Variants in SKAP1 observed in about 807,000 individuals in gnomAD.
The protein encoded by SKAP1 is src kinase-associated phosphoprotein 1.
In SKAP1, 44 loss-of-function variants were observed where a neutral mutation model predicts 58.5. The ratio of observed to expected loss-of-function variants is 0.75; its 90% CI spans 0.59 to 0.97. The LOEUF (loss-of-function observed/expected upper bound fraction) is 0.97, where lower values mean the gene tolerates loss of function less well. SKAP1 is among the 50% of genes least tolerant of loss of function. SKAP1 has a pLI of 0.00. For missense variants in SKAP1, 390 were observed against 435.2 expected (o/e 0.90, Z 0.92); for synonymous variants, 127 against 149.7 (o/e 0.85, Z 1.11).
chr17:48,170,573 C>T (rs748990392), intron 10 of SKAP1, 36 bp downstream of exon 10: 2 of 1,580,834 alleles, frequency 1.3e-6, no homozygotes, highest in Admixed American at 1.7e-5. Flanking sequence ...CCCATAATGT[C>T]CTACCCAGTG....
At chr17:48,141,811 A>G (rs999843074) in intron 11 of SKAP1, among the ~76,000 whole-genome samples, 1 of 152,176 alleles carries the variant, frequency 6.6e-6, no homozygotes, top group Non-Finnish European at 1.5e-5. Context: ...CCCATGGGCC[A>G]CAGGCTCCCT....
At chr17:48,253,172 A>C (rs979117137) in intron 4 of SKAP1, among the ~76,000 whole-genome samples, 1 of 152,154 alleles carries the variant, frequency 6.6e-6, no homozygotes, top group Non-Finnish European at 1.5e-5. Flanking sequence ...GAGATTTGCA[A>C]GGTGGGAGTA....
the SKAP1 span, among the ~76,000 whole-genome samples, chr17:48,436,436 C>T: frequency 6.6e-6 from 1 of 152,160 alleles, no homozygotes; most frequent in East Asian, 1.9e-4. Flanking sequence ...CATTTTCTTC[C>T]TGTGTAAACC....
At position 48,282,070 on chromosome 17, in the gene SKAP1, T is replaced by C. The variant is rs542027667; in HGVS notation, c.280+63835A>G. Among the ~76,000 whole-genome samples, 282 of 152,296 alleles carry C rather than the reference T, an allele frequency of 1.9e-3. 1 individual carries two copies. Among genetic ancestry groups the C allele is most frequent in the African/African-American group, 6.7e-3 (277 of 41,570 alleles). On this transcript the variant is annotated intron_variant, in intron 4 of 12. Transcript: ENST00000336915. ...AAAGAAAACAGAAATCCCAAAATAA[T>C]ATAAGTTTGTCTCAGCTAACAATAT...
At chr17:48,416,318 T>G (rs1440185088) in intron 1 of SKAP1, among the ~76,000 whole-genome samples, 2 of 152,098 alleles carry the variant, frequency 1.3e-5, no homozygotes, top group African/African-American at 2.4e-5. Flanking sequence ...CCCCTCCCAG[T>G]TGGAGATGGG....
At chr17:48,345,866 G>T in intron 4 of SKAP1, 39 bp downstream of exon 4, 2 of 1,384,076 alleles carry the variant, frequency 1.4e-6, no homozygotes, top group South Asian at 2.4e-5. Flanking sequence ...AGATAATGAA[G>T]TATGGTAGTC....
chr17:48,249,503 T>A (rs1487996702), intron 4 of SKAP1, among the ~76,000 whole-genome samples: 1 of 152,060 alleles, frequency 6.6e-6, no homozygotes, highest in Admixed American at 6.6e-5. Context: ...TGAAACCCTG[T>A]CTCTACCAAA....
chr17:48,159,137 C>CAGAT (rs781660540), intron 11 of SKAP1, among the ~76,000 whole-genome samples: 5 of 152,214 alleles, frequency 3.3e-5, no homozygotes, highest in Non-Finnish European at 7.4e-5. Context: ...AGGGGGAAAC[C>CAGAT]AGATGTATTT....
rs571980272 is a variant in SKAP1 at position 48,384,037 on chromosome 17, T to C, written c.152+12643A>G. Among the ~76,000 whole-genome samples the C allele has an allele frequency of 1.2e-3, 190 of 152,254 alleles. 1 individual carries two copies. The highest frequency in any genetic ancestry group is 4.2e-3 in the African/African-American group (175 of 41,532). Reference sequence around the variant, plus strand: ...CACCATGCCAGCGAATAAATTACCCTTTTTAAAAAGTTTGCTCTTTCAACA... The same window carrying C: ...CACCATGCCAGCGAATAAATTACCCCTTTTAAAAAGTTTGCTCTTTCAACA... On this transcript the variant is annotated intron_variant, in intron 2 of 12. Coordinates refer to ENST00000336915, the MANE Select transcript of SKAP1 (RefSeq NM_003726.4).
At position 48,430,141 on chromosome 17, in the gene SKAP1, C is replaced by T; in HGVS notation, c.-21G>A. On this transcript the variant is annotated 5_prime_UTR_variant, in exon 1 of 13. Coordinates refer to ENST00000336915, the MANE Select transcript of SKAP1 (RefSeq NM_003726.4). Reference sequence around the variant, plus strand: ...TGCATTTGGCTGGGCGGGAGAGAGGCGGGACGGGGCGCGGGCCCTGGTCGG... The same window carrying T: ...TGCATTTGGCTGGGCGGGAGAGAGGTGGGACGGGGCGCGGGCCCTGGTCGG... 1 of 1,234,066 alleles carries T rather than the reference C, an allele frequency of 8.1e-7. No homozygotes were observed. Among genetic ancestry groups the T allele is most frequent in the Non-Finnish European group, 1.0e-6 (1 of 979,112 alleles). 76.4% of individuals were successfully genotyped at this position (1,234,066 alleles called of 1,614,324 possible).
At chr17:48,316,678 A>G (rs957952451) in intron 4 of SKAP1, among the ~76,000 whole-genome samples, 2 of 152,184 alleles carry the variant, frequency 1.3e-5, no homozygotes, top group African/African-American at 2.4e-5. Context: ...GTAGGTCCTC[A>G]ATGATAAATG....
Position 48,273,637 on chromosome 17 carries a change from G to A in SKAP1, c.280+72268C>T, listed in dbSNP as rs143747519. Among the ~76,000 whole-genome samples, 645 of 152,080 alleles carry A rather than the reference G, an allele frequency of 4.2e-3. 9 individuals are homozygous for A. Among genetic ancestry groups the A allele is most frequent in the African/African-American group, 0.014 (598 of 41,486 alleles). On this transcript the variant is annotated intron_variant, in intron 4 of 12. Transcript: ENST00000336915. ...CTCACCACGTTGACCAGGCTGTCTC[G>A]AACTCCTGACCTCTCAGGTGATCCA... is the stretch of plus-strand genomic sequence containing the variant.
chr17:48,437,361 G>A, the SKAP1 span, among the ~76,000 whole-genome samples: 2 of 152,238 alleles, frequency 1.3e-5, no homozygotes, highest in African/African-American at 4.8e-5. Flanking sequence ...ATTCCTCATC[G>A]GTAAATTGGA....
chr17:48,364,570 G>A (rs1056117810), intron 2 of SKAP1, among the ~76,000 whole-genome samples: 1 of 152,052 alleles, frequency 6.6e-6, no homozygotes, highest in Non-Finnish European at 1.5e-5. Context: ...AGCTACTCAG[G>A]AGGCTGAGGC....
At chr17:48,240,155 A>G (rs2065230052) in intron 4 of SKAP1, among the ~76,000 whole-genome samples, 1 of 152,000 alleles carries the variant, frequency 6.6e-6, no homozygotes, top group Non-Finnish European at 1.5e-5. Flanking sequence ...CTTGGAATTG[A>G]GCATTGCTAG....
chr17:48,232,511 A>G (rs1231691961), intron 4 of SKAP1, among the ~76,000 whole-genome samples: 1 of 152,224 alleles, frequency 6.6e-6, no homozygotes, highest in Admixed American at 6.5e-5. Flanking sequence ...TCAACGGTAA[A>G]GGTTCCATTG....
At chr17:48,317,670 C>G (rs1304027658) in intron 4 of SKAP1, among the ~76,000 whole-genome samples, 1 of 152,082 alleles carries the variant, frequency 6.6e-6, no homozygotes, top group Admixed American at 6.5e-5. Context: ...TATCTGTAAA[C>G]AAAAGGAACT....
intron 4 of SKAP1, among the ~76,000 whole-genome samples, chr17:48,224,342 T>C (rs2065043672): frequency 6.6e-6 from 1 of 152,208 alleles, no homozygotes; most frequent in African/African-American, 2.4e-5. Flanking sequence ...TTCCCTAGTT[T>C]CCCTCACTCC....
At chr17:48,138,857 T>C (rs1415437863) in intron 11 of SKAP1, among the ~76,000 whole-genome samples, 1 of 151,768 alleles carries the variant, frequency 6.6e-6, no homozygotes, top group Non-Finnish European at 1.5e-5. Flanking sequence ...AAATGTTTTC[T>C]TTCTTTTGAA....
Sources: gnomAD v4.1 joint callset for allele counts (sites outside exome capture counted in the v4.1 genomes callset) on GRCh38, gnomAD v4.1.1 for gene constraint, MANE v1.5 for transcripts, NCBI Gene and HGNC (gene_info 2026-07-23, HGNC 2026-07-21) for gene names.